CACNB2: variants seen among roughly 807,000 people sequenced by gnomAD.
CACNB2 encodes voltage-dependent L-type calcium channel subunit beta-2.
A neutral mutation model predicts 73.3 loss-of-function variants in CACNB2; 42 were observed. That is an observed-to-expected ratio of 0.57 (90% CI 0.45 to 0.74). The LOEUF (loss-of-function observed/expected upper bound fraction) is 0.74, where lower values mean the gene tolerates loss of function less well. CACNB2 is among the 30% of genes least tolerant of loss of function. The pLI, the probability that CACNB2 is intolerant of heterozygous loss-of-function variation, is 0.00. For missense variants in CACNB2, 940 were observed against 853.0 expected (o/e 1.10, Z -1.27); for synonymous variants, 348 against 310.3 (o/e 1.12, Z -1.28).
intron 3 of CACNB2, among the ~76,000 whole-genome samples, chr10:18,430,999 A>G (rs2045863324): frequency 6.6e-6 from 1 of 152,132 alleles, no homozygotes; most frequent in African/African-American, 2.4e-5. Flanking sequence ...AAATCTGGAG[A>G]CAGGATCTCA....
At chr10:18,171,414 C>T (rs2033217670) in intron 2 of CACNB2, among the ~76,000 whole-genome samples, 1 of 85,242 alleles carries the variant, frequency 1.2e-5, no homozygotes, top group Admixed American at 1.1e-4. Context: ...ACTGTGTCTC[C>T]CCCGCATGGG....
chr10:18,424,202 A>C (rs1182338500), intron 3 of CACNB2, among the ~76,000 whole-genome samples: 1 of 152,158 alleles, frequency 6.6e-6, no homozygotes, highest in Non-Finnish European at 1.5e-5. Context: ...CCCAGGAAAG[A>C]ATTCAAGGGC....
intron 2 of CACNB2, among the ~76,000 whole-genome samples, chr10:18,365,737 A>G (rs1212819950): frequency 1.3e-5 from 2 of 152,224 alleles, no homozygotes; most frequent in East Asian, 1.9e-4. Context: ...TACTACCTGA[A>G]TGTTGAAAAA....
intron 2 of CACNB2, among the ~76,000 whole-genome samples, chr10:18,277,394 A>T (rs1794933980): frequency 2.6e-5 from 4 of 152,244 alleles, no homozygotes; most frequent in African/African-American, 9.6e-5. Context: ...CTGAGTTGCC[A>T]CAAGTGTATA....
chr10:18,204,505 T>C (rs1343460867), intron 2 of CACNB2, among the ~76,000 whole-genome samples: 1 of 152,224 alleles, frequency 6.6e-6, no homozygotes, highest in Non-Finnish European at 1.5e-5. Context: ...ATTTTCTTTC[T>C]TGAAAGTGAT....
At chr10:18,407,433 T>G (rs548771247) in intron 3 of CACNB2, among the ~76,000 whole-genome samples, 67 of 152,152 alleles carry the variant, frequency 4.4e-4, no homozygotes, top group African/African-American at 1.5e-3. Context: ...GTTCTGTCTT[T>G]AAGTTTTTGA....
At chr10:18,372,709 GTT>G (rs2042639547) in intron 2 of CACNB2, among the ~76,000 whole-genome samples, 2 of 151,974 alleles carry the variant, frequency 1.3e-5, no homozygotes, top group Non-Finnish European at 2.9e-5. Context: ...GCCTAGCGCT[GTT>G]TTCATATTTT....
At chr10:18,230,205 A>G (rs1185907131) in intron 2 of CACNB2, among the ~76,000 whole-genome samples, 1 of 152,218 alleles carries the variant, frequency 6.6e-6, no homozygotes, top group Non-Finnish European at 1.5e-5. Flanking sequence ...TTGTTCTCCA[A>G]GATAGAATTG....
At position 18,380,718 on chromosome 10, in the gene CACNB2, G is replaced by A. The variant is rs551353749; in HGVS notation, c.214-21206G>A. 8.5e-4 allele frequency among the ~76,000 whole-genome samples: 129 copies of A among 151,972 alleles called. 1 individual carries two copies. The South Asian group carries it at 0.011, about 13-fold the overall frequency. ...GATCTGCCCACCTCAGCCTCCCAAA[G>A]TGATGGGGTTATAAGAATGAGCCAC... On this transcript the variant is annotated intron_variant, in intron 2 of 13. Coordinates refer to ENST00000324631, the MANE Select transcript of CACNB2 (RefSeq NM_201596.3).
intron 2 of CACNB2, among the ~76,000 whole-genome samples, chr10:18,245,928 A>G (rs1259186473): frequency 6.6e-6 from 1 of 152,204 alleles, no homozygotes; most frequent in Non-Finnish European, 1.5e-5. Flanking sequence ...ATCGATGGGC[A>G]TCAGTGGGTA....
At position 18,474,185 on chromosome 10, in the gene CACNB2, C is replaced by T. The variant is rs190794228; in HGVS notation, c.334-24170C>T. 1.3e-3 allele frequency among the ~76,000 whole-genome samples: 201 copies of T among 152,220 alleles called. 2 individuals are homozygous for T. Among genetic ancestry groups the T allele is most frequent in the South Asian group, 7.7e-3 (37 of 4,808 alleles). ...CGAAGGGGAACATTGCAAATCTGAA[C>T]ATGACCGCAGCTGGCGGGAGAATAA... On this transcript the variant is annotated intron_variant, in intron 3 of 13. Transcript: ENST00000324631.
intron 1 of CACNB2, chr10:18,141,297 G>A: frequency 1.7e-6 from 2 of 1,185,952 alleles, no homozygotes; most frequent in Non-Finnish European, 2.5e-6. Context: ...CTCCGAGCCG[G>A]GGTGGGCGTG....
intron 3 of CACNB2, among the ~76,000 whole-genome samples, chr10:18,438,441 G>T (rs1484655916): frequency 6.6e-6 from 1 of 152,140 alleles, no homozygotes; most frequent in African/African-American, 2.4e-5. Flanking sequence ...CCATCTTGCT[G>T]TGATGGAGAG....
intron 2 of CACNB2, among the ~76,000 whole-genome samples, chr10:18,308,512 C>T (rs1472638117): frequency 1.3e-5 from 2 of 152,134 alleles, no homozygotes; most frequent in Non-Finnish European, 2.9e-5. Flanking sequence ...TTGTAGTGTC[C>T]TACAGCAAAA....
intron 2 of CACNB2, among the ~76,000 whole-genome samples, chr10:18,346,216 T>G (rs1352929179): frequency 6.6e-6 from 1 of 152,110 alleles, no homozygotes; most frequent in Non-Finnish European, 1.5e-5. Flanking sequence ...CTCAGCTCAC[T>G]GCAACGTCTG....
chr10:18,538,464 G>C (rs1564675008), intron 13 of CACNB2, 99 bp downstream of exon 13: 13 of 1,030,398 alleles, frequency 1.3e-5, no homozygotes, highest in Non-Finnish European at 1.9e-5. Flanking sequence ...AGCCTGCTTG[G>C]GGCTTGTTCT....
intron 3 of CACNB2, among the ~76,000 whole-genome samples, 156 bp downstream of exon 3, chr10:18,402,199 T>C (rs2044037036): frequency 6.6e-6 from 1 of 152,188 alleles, no homozygotes; most frequent in Non-Finnish European, 1.5e-5. Flanking sequence ...GTTTCTTCCC[T>C]TGGTAGAAAA....
At chr10:18,374,130 G>C (rs112413733) in intron 2 of CACNB2, among the ~76,000 whole-genome samples, 23 of 152,324 alleles carry the variant, frequency 1.5e-4, no homozygotes, top group Middle Eastern at 3.4e-3. Context: ...GTACTGTTTT[G>C]ATTGAGGTGG....
intron 3 of CACNB2, among the ~76,000 whole-genome samples, chr10:18,480,141 A>G (rs1215702269): frequency 6.6e-6 from 1 of 152,232 alleles, no homozygotes; most frequent in Non-Finnish European, 1.5e-5. Flanking sequence ...AATGAGAGAA[A>G]CAATCCTCAA....
Sources: gnomAD v4.1 joint callset for allele counts (sites outside exome capture counted in the v4.1 genomes callset) on GRCh38, gnomAD v4.1.1 for gene constraint, MANE v1.5 for transcripts, NCBI Gene and HGNC (gene_info 2026-07-23, HGNC 2026-07-21) for gene names.